CARD10: variants seen among roughly 807,000 people sequenced by gnomAD.
CARD10 encodes the protein caspase recruitment domain family member 10, also known as caspase recruitment domain-containing protein 10.
Under a neutral mutation model 114.6 loss-of-function variants are expected in CARD10, and 49 were observed. The observed-to-expected ratio is 0.43, with a 90% CI of 0.34 to 0.54. The LOEUF is 0.54. CARD10 is among the 20% of genes least tolerant of loss of function. The pLI is 0.03. For missense variants in CARD10, 1,206 were observed against 1,397.2 expected (o/e 0.86, Z 2.18); for synonymous variants, 602 against 593.2 (o/e 1.01, Z -0.21).
rs374557108 is a variant in CARD10, at chr22:37,491,180, G to A, written c.3078C>T (p.Cys1026=). ...AGCCTCAGGCCTCACTGCTGCTGGG[G>A]CAGCCTCTGCTGCTGCCGCACTCCA... The part of the protein sequence containing the change: ...VWVECGSSRG[C]PSSSEA The change falls in exon 20 of 20, where the codon TGC becomes TGT. Residue 1026 remains cysteine (C), a synonymous_variant. Coordinates refer to ENST00000251973, the MANE Select transcript of CARD10 (RefSeq NM_014550.4). 161 of 1,566,098 alleles carry A rather than the reference G, an allele frequency of 1.0e-4. No homozygotes were observed. In the African/African-American group the frequency reaches 1.6e-3, roughly 16 times the overall value.
intron 4 of CARD10, among the ~76,000 whole-genome samples, chr22:37,509,711 T>G (rs1923556476): frequency 1.4e-5 from 1 of 72,268 alleles, no homozygotes. Flanking sequence ...TCAACCCCCA[T>G]GGCCACGAGG....
Position 37,519,054 on chromosome 22 carries a change from CGGCGTGAGCTTGGCCGGGTTCAG to C in CARD10, c.124_146del (p.Leu42ValfsTer45). 2 of 1,595,032 alleles carry C rather than the reference CGGCGTGAGCTTGGCCGGGTTCAG, an allele frequency of 1.3e-6. No individual in the cohort carries two copies. Among genetic ancestry groups the C allele is most frequent in the South Asian group, 2.2e-5 (2 of 90,046 alleles). ...CGATGACCCGGCACTGGCGCAGATA[CGGCGTGAGCTTGGCCGGGTTCAG>C]GGCGCGAGCCAGCCGATGCCGGACG... On this transcript the variant is annotated frameshift_variant, in exon 1 of 20. Coordinates refer to ENST00000251973, the MANE Select transcript of CARD10 (RefSeq NM_014550.4). LOFTEE classifies it high-confidence loss of function. The surrounding 1 kb of genome is among the most constrained non-coding windows in gnomAD (Gnocchi z 4.1).
Position 37,496,675 on chromosome 22 carries a change from G to GC in CARD10, c.1948-116dup, listed in dbSNP as rs1037982694. 1.0e-5 allele frequency: 8 copies of GC among 775,544 alleles called. No individual in the cohort carries two copies. In the African/African-American group the frequency reaches 1.2e-4, roughly 12 times the overall value. The allele number at this position is 775,544 out of a possible 1,614,324, so 48.0% of individuals were successfully genotyped here. A position where few individuals can be genotyped will look rare whatever the true frequency, so the allele number is the denominator to read the frequency against. Reference sequence around the variant, plus strand: ...TTTCATGCCTCACAGTTCAGATAGCGCCCCCTCAGAAACTGCCATGCCCAG... The same window carrying GC: ...TTTCATGCCTCACAGTTCAGATAGCGCCCCCCTCAGAAACTGCCATGCCCAG... On this transcript the variant is annotated intron_variant, in intron 12 of 19. Coordinates refer to ENST00000251973, the MANE Select transcript of CARD10 (RefSeq NM_014550.4). This position sits in a 1 kb window ranked among gnomAD's most constrained non-coding sequence, Gnocchi z 4.1.
At chr22:37,493,752 C>A (rs1339056570) in intron 16 of CARD10, among the ~76,000 whole-genome samples, 1 of 152,188 alleles carries the variant, frequency 6.6e-6, no homozygotes, top group African/African-American at 2.4e-5. Context: ...CGGGAACCCC[C>A]CTGGGTCCTC....
intron 15 of CARD10, 34 bp downstream of exon 15, chr22:37,495,483 G>T: frequency 6.3e-7 from 1 of 1,575,764 alleles, no homozygotes; most frequent in Non-Finnish European, 8.6e-7. Context: ...CACCCTTGGG[G>T]CCCCCCACCC....
At position 37,507,881 on chromosome 22, in the gene CARD10, C is replaced by T. The variant is rs1363325325; in HGVS notation, c.1139G>A (p.Arg380His). 5.6e-6 allele frequency: 9 copies of T among 1,614,056 alleles called. No individual in the cohort carries two copies. The highest frequency in any genetic ancestry group is 2.7e-5 in the African/African-American group (2 of 74,934). ...CAGTTGGGCCAGGACAGTGGCCATG[C>T]GGTGCTTGTACAGGTCACAGTCCTT... is the stretch of plus-strand genomic sequence containing the variant. ...LQKDCDLYKH[R>H]MATVLAQLEE... The change falls in exon 6 of 20, where the codon CGC becomes CAC. Residue 380 changes from arginine (R) to histidine (H), a missense_variant. Around this residue, in one of 2 missense-constraint regions of CARD10, gnomAD observed 1,068 missense variants for 1,179.1 expected, o/e 0.91. Transcript: ENST00000251973.
Position 37,492,858 on chromosome 22 carries a change from CTCG to C in CARD10, c.2477-59_2477-57del, listed in dbSNP as rs1922856954. On this transcript the variant is annotated intron_variant, in intron 16 of 19. Coordinates refer to ENST00000251973, the MANE Select transcript of CARD10 (RefSeq NM_014550.4). The surrounding 1 kb of genome is among the most constrained non-coding windows in gnomAD (Gnocchi z 5.7). The stretch of plus-strand genomic sequence containing the variant: ...AGGGCACAGGCAGGCAGCATACCAG[CTCG>C]TCGATACCCCAAAACCCACCCCGCC... 5.7e-6 allele frequency: 9 copies of C among 1,565,728 alleles called. No homozygotes were observed. In the East Asian group the frequency reaches 1.4e-4, roughly 24 times the overall value.
rs950257541 is a variant in CARD10 at position 37,508,899 on chromosome 22, T to A, written c.910-217A>T. The A allele has an allele frequency of 3.0e-6, 4 of 1,332,228 alleles. No homozygotes were observed. The African/African-American group carries it at 4.4e-5, about 15-fold the overall frequency. The allele number at this position is 1,332,228 out of a possible 1,614,324, so 82.5% of individuals were successfully genotyped here. On this transcript the variant is annotated intron_variant, in intron 4 of 19. Transcript: ENST00000251973. ...CCCACCCTCCAGGGAGTATCTGGGG[T>A]ACAAGTAAGCTAATAAGCTAAGTGG... is the stretch of plus-strand genomic sequence containing the variant.
rs759948361 is a variant in CARD10 at position 37,491,831 on chromosome 22, G to A, written c.2788C>T (p.Arg930Trp). 18 of 1,392,382 alleles carry A rather than the reference G, an allele frequency of 1.3e-5. No homozygotes were observed. The highest frequency in any genetic ancestry group is 5.8e-5 in the Admixed American group (3 of 51,430). 86.3% of individuals were successfully genotyped at this position (1,392,382 alleles called of 1,614,324 possible). ...TAGATCTCGTTCTGCACCAGCTCCC[G>A]CACACCCCGAGCACCCAGCTCCAGC... ...CLLELGARGV[R>W]ELVQNEIYPI... The change falls in exon 19 of 20, where the codon CGG becomes TGG. Residue 930 changes from arginine (R) to tryptophan (W), a missense_variant. By Grantham distance (101) the Arg-to-Trp change is moderately radical. Coordinates refer to ENST00000251973, the MANE Select transcript of CARD10 (RefSeq NM_014550.4).
Position 37,506,387 on chromosome 22 carries a change from G to C in CARD10, c.1192-4C>G. On this transcript the variant is annotated splice_polypyrimidine_tract_variant and splice_region_variant and intron_variant, in intron 6 of 19. Coordinates refer to ENST00000251973, the MANE Select transcript of CARD10 (RefSeq NM_014550.4). Reference sequence around the variant, plus strand: ...TCCGGTCACGGCTCTGGATGGCCTAGGGTTGGGGGAGGGGAGGCAGCAGCT... The same window carrying C: ...TCCGGTCACGGCTCTGGATGGCCTACGGTTGGGGGAGGGGAGGCAGCAGCT... 1 of 1,550,834 alleles carries C rather than the reference G, an allele frequency of 6.4e-7. No homozygotes were observed. Among genetic ancestry groups the C allele is most frequent in the Non-Finnish European group, 8.8e-7 (1 of 1,141,574 alleles).
chr22:37,505,584 G>A (rs1923376791), intron 7 of CARD10, among the ~76,000 whole-genome samples: 1 of 150,642 alleles, frequency 6.6e-6, no homozygotes, highest in Admixed American at 6.6e-5. Flanking sequence ...GCTAAGGCAC[G>A]AGAATAACTT....
intron 14 of CARD10, 43 bp from the exon 15 acceptor site, chr22:37,495,629 C>T (rs377303142): frequency 6.2e-7 from 1 of 1,609,096 alleles, no homozygotes; most frequent in Non-Finnish European, 8.5e-7. Context: ...AGAAGGAAAG[C>T]TCCTCATTTC....
At chr22:37,507,552 G>C (rs1402995161) in intron 6 of CARD10, among the ~76,000 whole-genome samples, 1 of 152,174 alleles carries the variant, frequency 6.6e-6, no homozygotes, top group Non-Finnish European at 1.5e-5. Context: ...TCTTTGAGAT[G>C]GACAGAACAA....
rs754109109 is a variant in CARD10 at position 37,491,767 on chromosome 22, A to G, written c.2852T>C (p.Val951Ala). The G allele has an allele frequency of 7.4e-5, 49 of 666,264 alleles. 1 individual carries two copies. The highest frequency in any genetic ancestry group is 1.2e-4 in the Non-Finnish European group (49 of 392,256). 41.3% of individuals were successfully genotyped at this position (666,264 alleles called of 1,614,324 possible). A position where few individuals can be genotyped will look rare whatever the true frequency, so the allele number is the denominator to read the frequency against. The change falls in exon 19 of 20, where the codon GTC (valine) becomes GCC (alanine). Residue 951 changes from valine to alanine, a missense_variant. Physicochemically the swap from Val to Ala is moderately conservative, Grantham distance 64. Transcript: ENST00000251973. The part of the protein sequence containing the change: ...VIHVEVTEKN[V>A]REVRGLLGRP... ...CCACCCACCTCACCTGACTTCCCGG[A>G]CATTCTTCTCAGTCACCTCCACGTG...
At chr22:37,503,843 G>T (rs544421200) in intron 9 of CARD10, among the ~76,000 whole-genome samples, 2 of 152,142 alleles carry the variant, frequency 1.3e-5, no homozygotes, top group African/African-American at 2.4e-5. Flanking sequence ...CTTTCTTGCC[G>T]GAGGTCCCTG....
chr22:37,503,651 C>A (rs56272819), intron 9 of CARD10, among the ~76,000 whole-genome samples: 8,291 of 152,202 alleles, frequency 0.054, 570 homozygotes, highest in African/African-American at 0.16. Context: ...TGACCACAGC[C>A]TCCCAGGGCC....
At chr22:37,491,889 C>CAATGT (rs1296578576) in intron 18 of CARD10, 22 bp from the exon 19 acceptor site, 2 of 1,523,626 alleles carry the variant, frequency 1.3e-6, no homozygotes, top group African/African-American at 2.7e-5. Flanking sequence ...ATCGAGGCTA[C>CAATGT]AATGTACTCC....
In CARD10 at chr22:37,510,367, G is replaced by A. The variant is rs777292091; in HGVS notation, c.754C>T (p.Arg252Ter). ...CCAGGGGGCGGGCCCCTGGCCCTTCGAAGCAGTGCACACTCTTCCTCCAGC... is the reference window on the plus strand; with the variant it reads ...CCAGGGGGCGGGCCCCTGGCCCTTCAAAGCAGTGCACACTCTTCCTCCAGC... ...SRLEEECALL[R>*]RARGPPPGAE... Residue 252 changes from arginine to a stop codon, truncating the protein, a stop_gained, in exon 4 of 20, where the codon CGA becomes TGA. Transcript: ENST00000251973. LOFTEE classifies it high-confidence loss of function. 1.7e-5 allele frequency: 28 copies of A among 1,613,390 alleles called. No homozygotes were observed. The highest frequency in any genetic ancestry group is 2.2e-5 in the East Asian group (1 of 44,864).
Position 37,518,965 on chromosome 22 carries a change from C to G in CARD10, c.235+1G>C. 1 of 1,530,904 alleles carries G rather than the reference C, an allele frequency of 6.5e-7. No homozygotes were observed. Among genetic ancestry groups the G allele is most frequent in the Non-Finnish European group, 8.8e-7 (1 of 1,140,564 alleles). The allele number at this position is 1,530,904 out of a possible 1,614,324, so 94.8% of individuals were successfully genotyped here. On this transcript the variant is annotated splice_donor_variant, in intron 1 of 19. Transcript: ENST00000251973. LOFTEE classifies it high-confidence loss of function. ...TGGCCCACTCGGGACCCGCGGCTCACCGGTGCGGTTGACGCGGCACGGGAA... is the reference window on the plus strand; with the variant it reads ...TGGCCCACTCGGGACCCGCGGCTCAGCGGTGCGGTTGACGCGGCACGGGAA...
Sources: allele counts gnomAD v4.1 joint callset (sites outside exome capture counted in the v4.1 genomes callset), GRCh38; gene constraint gnomAD v4.1.1; regional missense constraint gnomAD v4.1.1; non-coding constraint Gnocchi (gnomAD v3.1); transcripts MANE v1.5; gene names NCBI Gene and HGNC (gene_info 2026-07-23, HGNC 2026-07-21).